The following ADAM12 variants were observed in gnomAD, a reference collection of about 807,000 sequenced individuals.
ADAM12 encodes the protein disintegrin and metalloproteinase domain-containing protein 12.
A neutral mutation model predicts 106.4 loss-of-function variants in ADAM12; 70 were observed. The ratio of observed to expected loss-of-function variants is 0.66; its 90% CI spans 0.54 to 0.80. The LOEUF (loss-of-function observed/expected upper bound fraction) is 0.80, where lower values mean the gene tolerates loss of function less well. ADAM12 is among the 30% of genes least tolerant of loss of function. The pLI, the probability that ADAM12 is intolerant of heterozygous loss-of-function variation, is 0.00. For synonymous variants in ADAM12, 420 were observed against 433.5 expected, an observed-to-expected ratio of 0.97 and a Z score of 0.39; for missense variants, 1,010 against 1,171.9, an observed-to-expected ratio of 0.86 and a Z score of 2.02.
Position 126,118,037 on chromosome 10 carries a change from C to T in ADAM12, c.603+1G>A, listed in dbSNP as rs1329417482. On this transcript the variant is annotated splice_donor_variant, in intron 6 of 22. Transcript: ENST00000448723. LOFTEE classifies it high-confidence loss of function. ...AACACAAAATCAGGTATCCCCCTTACCCTTCTTGCCCATGTCTGAGAGGGT... is the reference window on the plus strand; with the variant it reads ...AACACAAAATCAGGTATCCCCCTTATCCTTCTTGCCCATGTCTGAGAGGGT... 1.9e-6 allele frequency: 3 copies of T among 1,613,870 alleles called. No homozygotes were observed. The highest frequency in any genetic ancestry group is 1.3e-5 in the African/African-American group (1 of 74,894).
chr10:126,285,551 C>A (rs1228525798), intron 2 of ADAM12, among the ~76,000 whole-genome samples: 1 of 152,210 alleles, frequency 6.6e-6, no homozygotes, highest in Non-Finnish European at 1.5e-5. Context: ...TTATACTTCA[C>A]TCTCAGTTCC....
At chr10:126,072,901 C>T (rs7097019) in intron 11 of ADAM12, among the ~76,000 whole-genome samples, 61 of 152,288 alleles carry the variant, frequency 4.0e-4, no homozygotes, top group African/African-American at 1.4e-3. Flanking sequence ...GCCAAACCAA[C>T]GCAAGCTGCT....
intron 3 of ADAM12, among the ~76,000 whole-genome samples, chr10:126,185,585 T>C (rs1957386785): frequency 6.6e-6 from 1 of 152,044 alleles, no homozygotes; most frequent in African/African-American, 2.4e-5. Flanking sequence ...GTGGAAACTA[T>C]AGCAAAAAAG....
At chr10:126,316,488 G>T (rs562347584) in intron 2 of ADAM12, among the ~76,000 whole-genome samples, 1 of 152,082 alleles carries the variant, frequency 6.6e-6, no homozygotes, top group Non-Finnish European at 1.5e-5. Context: ...CCCAAGTTGC[G>T]CAGGGCTCAA....
chr10:126,296,372 C>T (rs976299874), intron 2 of ADAM12, among the ~76,000 whole-genome samples: 10 of 152,136 alleles, frequency 6.6e-5, no homozygotes, highest in African/African-American at 1.4e-4. Context: ...TGGCTTCAAG[C>T]GATCCTCCCC....
intron 14 of ADAM12, among the ~76,000 whole-genome samples, chr10:126,054,549 A>G (rs1335007168): frequency 6.6e-6 from 1 of 152,244 alleles, no homozygotes; most frequent in Non-Finnish European, 1.5e-5. Context: ...CCTAATGCCT[A>G]TCAGTCTTCA....
intron 2 of ADAM12, among the ~76,000 whole-genome samples, chr10:126,300,092 T>C (rs902305564): frequency 6.6e-6 from 1 of 152,254 alleles, no homozygotes; most frequent in Non-Finnish European, 1.5e-5. Context: ...TGACCTTCTA[T>C]TTCTTAAGAT....
At chr10:126,067,812 G>A (rs1426210024) in intron 12 of ADAM12, among the ~76,000 whole-genome samples, 1 of 151,936 alleles carries the variant, frequency 6.6e-6, no homozygotes, top group Admixed American at 6.6e-5. Context: ...CATTGGCTGG[G>A]GTGAAGCTAA....
chr10:126,266,824 A>G (rs1438600451), intron 3 of ADAM12, among the ~76,000 whole-genome samples: 2 of 152,072 alleles, frequency 1.3e-5, no homozygotes, highest in Admixed American at 6.6e-5. Context: ...ACACACTTCT[A>G]AACAACCCGA....
At chr10:126,210,064 T>G (rs538091451) in intron 3 of ADAM12, among the ~76,000 whole-genome samples, 1 of 152,350 alleles carries the variant, frequency 6.6e-6, no homozygotes, top group African/African-American at 2.4e-5. Context: ...ACTTTCCAGA[T>G]GCAACACTCA....
rs1212952079 is a variant in ADAM12 at position 126,343,801 on chromosome 10, G to A, written c.89-13292C>T. ...CCAGTGATGAGGAGCATTTTTTCAT[G>A]TGTCTGTTAGCTGCATAAATGTCTT... On this transcript the variant is annotated intron_variant, in intron 1 of 22. Coordinates refer to ENST00000448723, the MANE Select transcript of ADAM12 (RefSeq NM_001288973.2). 1.0e-3 allele frequency among the ~76,000 whole-genome samples: 155 copies of A among 152,282 alleles called. 1 individual carries two copies. Among genetic ancestry groups the A allele is most frequent in the Non-Finnish European group, 4.4e-4 (30 of 68,022 alleles).
intron 3 of ADAM12, among the ~76,000 whole-genome samples, chr10:126,262,711 T>C (rs1245083094): frequency 6.6e-6 from 1 of 152,164 alleles, no homozygotes; most frequent in East Asian, 1.9e-4. Flanking sequence ...CTTTCTTCTA[T>C]CATAACTGCT....
chr10:126,142,004 AT>A (rs1565090560), intron 4 of ADAM12, among the ~76,000 whole-genome samples: 8 of 152,176 alleles, frequency 5.3e-5, no homozygotes. Context: ...CTAAATAACC[AT>A]CAAAGGTCAC....
chr10:126,182,879 G>A (rs1453894365), intron 3 of ADAM12, among the ~76,000 whole-genome samples: 1 of 152,222 alleles, frequency 6.6e-6, no homozygotes, highest in Non-Finnish European at 1.5e-5. Flanking sequence ...CACTAGAACA[G>A]GGGTCCCAAA....
intron 2 of ADAM12, among the ~76,000 whole-genome samples, chr10:126,282,034 C>T (rs1959608383): frequency 6.6e-6 from 1 of 152,202 alleles, no homozygotes; most frequent in Non-Finnish European, 1.5e-5. Flanking sequence ...ATAACACACA[C>T]CAGAGACTGT....
chr10:126,339,364 A>T lies in ADAM12; in HGVS notation c.89-8855T>A, dbSNP rs1854837212. Reference sequence around the variant, plus strand: ...CCCAGCGAAAAACCAACACGTTTTCAATCATACACGTCTTGTCAATACCAT... The same window carrying T: ...CCCAGCGAAAAACCAACACGTTTTCTATCATACACGTCTTGTCAATACCAT... On this transcript the variant is annotated intron_variant, in intron 1 of 22. Transcript: ENST00000448723. Among the ~76,000 whole-genome samples, 3 of 152,190 alleles carry T rather than the reference A, an allele frequency of 2.0e-5. No homozygotes were observed. The South Asian group carries it at 6.2e-4, about 32-fold the overall frequency.
chr10:126,081,416 C>T (rs1009692005), intron 11 of ADAM12, among the ~76,000 whole-genome samples: 4 of 152,200 alleles, frequency 2.6e-5, no homozygotes, highest in Non-Finnish European at 5.9e-5. Flanking sequence ...AACCTCATAT[C>T]GTCCACAGCT....
intron 3 of ADAM12, among the ~76,000 whole-genome samples, chr10:126,200,952 A>C (rs1340903696): frequency 1.3e-5 from 2 of 152,196 alleles, no homozygotes; most frequent in East Asian, 3.9e-4. Context: ...AATGTTCTAG[A>C]AACAGTAGAC....
At chr10:126,257,650 T>C (rs1958919691) in intron 3 of ADAM12, among the ~76,000 whole-genome samples, 1 of 152,194 alleles carries the variant, frequency 6.6e-6, no homozygotes, top group Admixed American at 6.5e-5. Flanking sequence ...ACATCGCAGA[T>C]AAAATACTAC....
Sources: allele counts gnomAD v4.1 joint callset (sites outside exome capture counted in the v4.1 genomes callset), GRCh38; gene constraint gnomAD v4.1.1; transcripts MANE v1.5; gene names NCBI Gene and HGNC (gene_info 2026-07-23, HGNC 2026-07-21).